Variants in DOK7 observed in about 807,000 individuals in gnomAD.
DOK7 encodes the protein protein Dok-7.
In DOK7, 32 loss-of-function variants were observed where a neutral mutation model predicts 30.7. The ratio of observed to expected loss-of-function variants is 1.04; its 90% confidence interval spans 0.79 to 1.40. The LOEUF is 1.40. DOK7 is among the 40% of genes most tolerant of loss of function. The pLI is 0.00. For missense variants in DOK7, 1,007 were observed against 699.2 expected, an observed-to-expected ratio of 1.44 and a Z score of -4.97; for synonymous variants, 447 against 324.1, an observed-to-expected ratio of 1.38 and a Z score of -4.07.
intron 5 of DOK7, among the ~76,000 whole-genome samples, chr4:3,489,404 T>C (rs1308821855): frequency 6.6e-6 from 1 of 152,076 alleles, no homozygotes; most frequent in Non-Finnish European, 1.5e-5. Flanking sequence ...AGGAGGGGTC[T>C]GGCCGGCGTG....
At chr4:3,486,427 CAT>C (rs1209304823) in intron 5 of DOK7, among the ~76,000 whole-genome samples, 8 of 152,362 alleles carry the variant, frequency 5.3e-5, no homozygotes, top group Non-Finnish European at 1.0e-4. Context: ...AGCAAGCTCA[CAT>C]GTGGCGCCTC....
Position 3,500,759 on chromosome 4 carries a change from GC to G in DOK7, c.1330del (p.Arg444GlyfsTer117), listed in dbSNP as rs1171259919. 2 of 1,535,148 alleles carry G rather than the reference GC, an allele frequency of 1.3e-6. No homozygotes were observed. Among genetic ancestry groups the G allele is most frequent in the Admixed American group, 2.0e-5 (1 of 50,980 alleles). ...CCGAGACGGCGCACAGAGTGGGGGT[GC>G]GGCACGCACGGGCCCGGGAGGAGCA... On this transcript the variant is annotated frameshift_variant, in exon 8 of 8. Coordinates refer to the DOK7 transcript ENST00000643608. LOFTEE classifies it high-confidence loss of function.
In DOK7 at chr4:3,491,217, CTTCCTTCTCCCGCTGCTCTTTCA is replaced by C. The variant is rs1177999379; in HGVS notation, c.772+1433_772+1455del. Among the ~76,000 whole-genome samples the C allele has an allele frequency of 1.9e-4, 19 of 101,804 alleles. No individual in the cohort carries two copies. In the South Asian group the frequency reaches 2.9e-3, roughly 16 times the overall value. The allele number at this position is 101,804 out of a possible 152,430, so 66.8% of individuals were successfully genotyped here. A position where few individuals can be genotyped will look rare whatever the true frequency, so the allele number is the denominator to read the frequency against. ...CTCATTCCTTCCCCCCTGCTCATTCCTTCCTTCTCCCGCTGCTCTTTCATTCCTTCTCCCCTTGCTCATTCATT... is the reference window on the plus strand; with the variant it reads ...CTCATTCCTTCCCCCCTGCTCATTCCTTCCTTCTCCCCTTGCTCATTCATT... On this transcript the variant is annotated intron_variant, in intron 6 of 6. Transcript: ENST00000340083.
At chr4:3,472,201 G>A (rs1577146905) in intron 2 of DOK7, among the ~76,000 whole-genome samples, 1 of 152,262 alleles carries the variant, frequency 6.6e-6, no homozygotes. Context: ...GGGAAGCTGA[G>A]CACCATGTCT....
intron 2 of DOK7, among the ~76,000 whole-genome samples, chr4:3,463,855 G>A (rs867571837): frequency 8.5e-5 from 13 of 152,186 alleles, no homozygotes; most frequent in African/African-American, 2.2e-4. Flanking sequence ...CAGAAGCAAA[G>A]CCCCACATAC....
chr4:3,493,369 C>A lies in DOK7; in HGVS notation c.1383C>A (p.Gly461=). The change falls in exon 7 of 7, where the codon GGC becomes GGA. Residue 461 remains glycine (G), a synonymous_variant. Transcript: ENST00000340083. ...GCCTGGTGATGGAGGCCCCCCAGGG[C>A]AGCGAGGCCACACTGCCTGGCCCTG... The part of the protein sequence containing the change: ...RRGLVMEAPQ[G]SEATLPGPAP... The A allele has an allele frequency of 6.3e-7, 1 of 1,595,944 alleles. No homozygotes were observed. Among genetic ancestry groups the A allele is most frequent in the Admixed American group, 1.7e-5 (1 of 57,440 alleles).
intron 4 of DOK7, among the ~76,000 whole-genome samples, chr4:3,483,904 T>A (rs1727590193): frequency 6.6e-6 from 1 of 152,140 alleles, no homozygotes. Flanking sequence ...CCTACCCAGC[T>A]TGGGGGCCCC....
At chr4:3,474,026 C>T (rs1371586407) in intron 3 of DOK7, among the ~76,000 whole-genome samples, 1 of 149,380 alleles carries the variant, frequency 6.7e-6, no homozygotes, top group African/African-American at 2.5e-5. Context: ...CCCCCCAAAA[C>T]AGGATGGGAG....
intron 4 of DOK7, among the ~76,000 whole-genome samples, chr4:3,483,325 CG>C (rs1375290724): frequency 7.5e-6 from 1 of 133,078 alleles, no homozygotes; most frequent in African/African-American, 2.9e-5. Context: ...TTCCCAAGAC[CG>C]GGGGGGGCTG....
chr4:3,481,016 A>AG (rs967108223), intron 4 of DOK7, among the ~76,000 whole-genome samples: 2 of 151,622 alleles, frequency 1.3e-5, no homozygotes, highest in South Asian at 2.1e-4. Flanking sequence ...TAAGGGGTGG[A>AG]GGGGGGTGAA....
chr4:3,472,371 A>G (rs752604942), intron 2 of DOK7, among the ~76,000 whole-genome samples: 11 of 152,244 alleles, frequency 7.2e-5, no homozygotes, highest in South Asian at 2.1e-4. Flanking sequence ...ATTCTCCCCA[A>G]TCCCCTCCTG....
intron 5 of DOK7, among the ~76,000 whole-genome samples, chr4:3,486,546 C>A (rs184164682): frequency 6.6e-6 from 1 of 152,312 alleles, no homozygotes; most frequent in Admixed American, 6.5e-5. Context: ...TGGCCACAGC[C>A]CCCAATGCCC....
intron 4 of DOK7, chr4:3,484,794 G>C: frequency 1.0e-6 from 1 of 985,558 alleles, no homozygotes; most frequent in Non-Finnish European, 1.2e-6. Context: ...CGAGGAGGTG[G>C]GGAGGACGCG....
At chr4:3,499,541 T>C (rs917924833) in intron 6 of DOK7, among the ~76,000 whole-genome samples, 48 of 152,090 alleles carry the variant, frequency 3.2e-4, no homozygotes, top group Non-Finnish European at 5.6e-4. Flanking sequence ...CTGCCTCAAG[T>C]CCCACCCAGC....
At chr4:3,472,831 G>A (rs1356929486) in intron 2 of DOK7, among the ~76,000 whole-genome samples, 5 of 148,858 alleles carry the variant, frequency 3.4e-5, no homozygotes, top group South Asian at 2.1e-4. Context: ...GGCAGTGGCC[G>A]GGTGGATGGG....
chr4:3,473,623 T>C lies in DOK7; in HGVS notation c.318T>C (p.Tyr106=). The change falls in exon 3 of 7, where the codon TAT becomes TAC. Residue 106 remains tyrosine, a synonymous_variant. Transcript: ENST00000340083. ...GTGCGTGGGATGCCCGGATCCGCTA[T>C]GCGCTCGGCGAGGGTGAGTGACGGG... The part of the protein sequence containing the change: ...AMCAWDARIR[Y]ALGEVHRFHV... 6.3e-7 allele frequency: 1 copy of C among 1,577,996 alleles called. No individual in the cohort carries two copies. Among genetic ancestry groups the C allele is most frequent in the South Asian group, 1.1e-5 (1 of 88,608 alleles).
At chr4:3,477,635 G>A (rs1727181078) in intron 4 of DOK7, among the ~76,000 whole-genome samples, 1 of 152,252 alleles carries the variant, frequency 6.6e-6, no homozygotes, top group Non-Finnish European at 1.5e-5. Flanking sequence ...ACAGGGCAGT[G>A]AGGCTCAGGC....
downstream of DOK7, among the ~76,000 whole-genome samples, chr4:3,494,984 C>G (rs1339662695): frequency 6.6e-6 from 1 of 152,232 alleles, no homozygotes; most frequent in East Asian, 1.9e-4. Context: ...CTGTCAGGGA[C>G]TGACTCTGAG....
intron 4 of DOK7, among the ~76,000 whole-genome samples, chr4:3,478,760 CA>C (rs1317525791): frequency 2.0e-5 from 3 of 152,198 alleles, no homozygotes; most frequent in Non-Finnish European, 4.4e-5. Flanking sequence ...TTGGCCGAGC[CA>C]CCCATCCCTG....
Sources: allele counts gnomAD v4.1 joint callset (sites outside exome capture counted in the v4.1 genomes callset), GRCh38; gene constraint gnomAD v4.1.1; transcripts MANE v1.5; gene names NCBI Gene and HGNC (gene_info 2026-07-23, HGNC 2026-07-21).